TNS3: variants seen among roughly 807,000 people sequenced by gnomAD.
TNS3 encodes the protein tensin-3.
A neutral mutation model predicts 140.9 loss-of-function variants in TNS3; 45 were observed. The observed-to-expected ratio is 0.32, with a 90% CI of 0.25 to 0.41. The LOEUF (loss-of-function observed/expected upper bound fraction) is 0.41. TNS3 is among the 10% of genes least tolerant of loss of function. The probability of loss-of-function intolerance (pLI) is 1.00; values close to 1 mark genes in which losing one functional copy is unlikely to be tolerated. For synonymous variants in TNS3, 815 were observed against 788.4 expected (o/e 1.03, Z -0.56); for missense variants, 1,716 against 1,906.7 (o/e 0.90, Z 1.86).
At chr7:47,576,518 C>A (rs1800679245) in intron 1 of TNS3, among the ~76,000 whole-genome samples, 2 of 152,198 alleles carry the variant, frequency 1.3e-5, no homozygotes, top group Non-Finnish European at 2.9e-5. Context: ...CCCAAATGGC[C>A]AGTGATGAAA....
chr7:47,428,140 G>A (rs949252684), intron 9 of TNS3, among the ~76,000 whole-genome samples, 172 bp downstream of exon 9: 2 of 152,020 alleles, frequency 1.3e-5, no homozygotes, highest in East Asian at 1.9e-4. Flanking sequence ...AAGTGTAAAC[G>A]CTTAACTGGA....
At chr7:47,422,839 T>C (rs1422469599) in intron 10 of TNS3, among the ~76,000 whole-genome samples, 2 of 151,158 alleles carry the variant, frequency 1.3e-5, no homozygotes, top group African/African-American at 2.4e-5. Flanking sequence ...TTTTGGAAAC[T>C]GTTCAACAAA....
intron 20 of TNS3, among the ~76,000 whole-genome samples, chr7:47,314,876 C>CT (rs1338695869): frequency 2.0e-5 from 3 of 152,234 alleles, no homozygotes; most frequent in Admixed American, 1.3e-4. Flanking sequence ...GCCTGTCTCT[C>CT]TGCTTCAGAG....
At chr7:47,524,616 C>A (rs1479285947) in intron 2 of TNS3, among the ~76,000 whole-genome samples, 2 of 150,410 alleles carry the variant, frequency 1.3e-5, no homozygotes, top group African/African-American at 4.9e-5. Context: ...TCCTGGCTAA[C>A]AAGGTGAAAC....
chr7:47,296,370 G>A (rs1396073071), intron 24 of TNS3, among the ~76,000 whole-genome samples: 2 of 152,198 alleles, frequency 1.3e-5, no homozygotes, highest in Non-Finnish European at 2.9e-5. Context: ...GTGTAAAATA[G>A]TTCAGCCATT....
intron 6 of TNS3, among the ~76,000 whole-genome samples, chr7:47,438,628 G>A (rs921655824): frequency 6.6e-6 from 1 of 152,118 alleles, no homozygotes; most frequent in African/African-American, 2.4e-5. Context: ...GGATCGGGGA[G>A]GGGTCAGGAC....
intron 1 of TNS3, among the ~76,000 whole-genome samples, chr7:47,544,211 G>A (rs758034731): frequency 6.6e-6 from 1 of 151,092 alleles, no homozygotes; most frequent in Admixed American, 6.6e-5. Context: ...TCAGAGGCTG[G>A]TGCCAAGAGG....
intron 20 of TNS3, among the ~76,000 whole-genome samples, chr7:47,308,553 T>C (rs1280645299): frequency 1.3e-5 from 2 of 152,232 alleles, no homozygotes; most frequent in Admixed American, 1.3e-4. Flanking sequence ...TGTTTTTGGA[T>C]GCTGGATATT....
chr7:47,281,176 T>A (rs138890713), intron 28 of TNS3, among the ~76,000 whole-genome samples: 4 of 152,200 alleles, frequency 2.6e-5, no homozygotes, highest in African/African-American at 9.7e-5. Flanking sequence ...GTGCAAGGAA[T>A]ATTCCTTAAG....
At chr7:47,532,053 C>T (rs1035019167) in intron 1 of TNS3, among the ~76,000 whole-genome samples, 2 of 119,624 alleles carry the variant, frequency 1.7e-5, no homozygotes, top group East Asian at 2.4e-4. Flanking sequence ...CACCCTCGGG[C>T]GCATGGGAAG....
rs377677367 is a variant in TNS3 at position 47,303,514 on chromosome 7, G to A, written c.2893C>T (p.Arg965Trp). The A allele has an allele frequency of 5.0e-6, 8 of 1,607,662 alleles. No homozygotes were observed. In the South Asian group the frequency reaches 5.5e-5, roughly 11 times the overall value. ...GCGCTGAGGGGACTTCCGGTGGGCCGGCCGCTCCCCAGCAGGGAAACCATG... is the reference window on the plus strand; with the variant it reads ...GCGCTGAGGGGACTTCCGGTGGGCCAGCCGCTCCCCAGCAGGGAAACCATG... ...KPMVSLLGSG[R>W]PTGSPLSAEF... is the part of the protein sequence containing the mutation. Residue 965 changes from arginine to tryptophan, a missense_variant, in exon 22 of 31, where the codon CGG becomes TGG. This residue lies in a region of TNS3 where 1,163 missense variants were observed against 1,182.1 expected (regional missense o/e 0.98). Coordinates refer to ENST00000311160, the MANE Select transcript of TNS3 (RefSeq NM_022748.12).
intron 8 of TNS3, among the ~76,000 whole-genome samples, chr7:47,432,807 C>T (rs376101787): frequency 7.0e-4 from 107 of 152,300 alleles, no homozygotes; most frequent in African/African-American, 2.5e-3. Context: ...CATGTAAATA[C>T]AGCTCTTAGC....
At chr7:47,525,578 G>A (rs936187539) in intron 2 of TNS3, among the ~76,000 whole-genome samples, 2 of 152,228 alleles carry the variant, frequency 1.3e-5, no homozygotes, top group African/African-American at 2.4e-5. Context: ...GATAATGGAC[G>A]TCATAGAGCA....
chr7:47,342,250 T>A (rs1182843583), intron 20 of TNS3, among the ~76,000 whole-genome samples: 1 of 152,208 alleles, frequency 6.6e-6, no homozygotes, highest in African/African-American at 2.4e-5. Flanking sequence ...GGTTTTAAGT[T>A]GTACTTAGCA....
At chr7:47,440,073 G>A (rs1795388462) in intron 5 of TNS3, among the ~76,000 whole-genome samples, 1 of 152,124 alleles carries the variant, frequency 6.6e-6, no homozygotes, top group South Asian at 2.1e-4. Flanking sequence ...GTCAAGGTCG[G>A]CACGAGGGGG....
intron 4 of TNS3, among the ~76,000 whole-genome samples, chr7:47,456,624 C>A (rs1342380094): frequency 1.3e-5 from 2 of 152,136 alleles, no homozygotes; most frequent in Non-Finnish European, 2.9e-5. Context: ...AGAAGGAAGA[C>A]AAGGCCAACA....
At chr7:47,556,957 C>T (rs923078198) in intron 1 of TNS3, 11 of 451,562 alleles carry the variant, frequency 2.4e-5, no homozygotes, top group African/African-American at 2.2e-4. Flanking sequence ...AGCCCTCTGT[C>T]CTCCAGTCCC....
At position 47,419,412 on chromosome 7, in the gene TNS3, A is replaced by G. The variant is rs535180726; in HGVS notation, c.474-4206T>C. Among the ~76,000 whole-genome samples the G allele has an allele frequency of 1.2e-4, 19 of 152,362 alleles. No homozygotes were observed. The South Asian group carries it at 3.9e-3, about 32-fold the overall frequency. ...AAATTTTAACAGTGAGAGAAGTATG[A>G]CAGTGAAAGAGATCTAATGTAACCA... On this transcript the variant is annotated intron_variant, in intron 10 of 30. Coordinates refer to ENST00000311160, the MANE Select transcript of TNS3 (RefSeq NM_022748.12).
chr7:47,539,482 C>T (rs1799720941), intron 1 of TNS3: 1 of 267,576 alleles, frequency 3.7e-6, no homozygotes, highest in Non-Finnish European at 7.3e-6. Context: ...GCCCCTCTCC[C>T]TGCCCCCGAC....
Sources: allele counts gnomAD v4.1 joint callset (sites outside exome capture counted in the v4.1 genomes callset), GRCh38; gene constraint gnomAD v4.1.1; regional missense constraint gnomAD v4.1.1; transcripts MANE v1.5; gene names NCBI Gene and HGNC (gene_info 2026-07-23, HGNC 2026-07-21).